ZNF518B: variants seen among roughly 807,000 people sequenced by gnomAD.
ZNF518B encodes zinc finger protein 518B.
A neutral mutation model predicts 56.3 loss-of-function variants in ZNF518B; 23 were observed. The ratio of observed to expected loss-of-function variants is 0.41; its 90% CI spans 0.29 to 0.58. The LOEUF (loss-of-function observed/expected upper bound fraction) is 0.58. Ranked by LOEUF, ZNF518B falls within the 20% of genes least tolerant of loss-of-function variation. The pLI is 0.32. For missense variants in ZNF518B, 1,460 were observed against 1,272.1 expected (o/e 1.15, Z -2.25); for synonymous variants, 529 against 465.9 (o/e 1.14, Z -1.74).
chr4:10,461,069 G>C (rs559549059), upstream of ZNF518B, among the ~76,000 whole-genome samples: 12 of 152,374 alleles, frequency 7.9e-5, no homozygotes, highest in East Asian at 1.9e-3. Context: ...TCACAGTCCT[G>C]GGGTGCAGGA....
At chr4:10,451,834 C>T (rs1209687877) in intron 2 of ZNF518B, 1 of 152,174 alleles carries the variant, frequency 6.6e-6, no homozygotes. Context: ...AAACTAGTTA[C>T]GAAACTACCT....
Position 10,441,580 on chromosome 4 carries a change from G to A in ZNF518B, c.*1524C>T, listed in dbSNP as rs1180448672. The A allele has an allele frequency of 6.6e-6, 1 of 152,658 alleles. No individual in the cohort carries two copies. The highest frequency in any genetic ancestry group is 2.4e-5 in the African/African-American group (1 of 41,458). 9.5% of individuals were successfully genotyped at this position (152,658 alleles called of 1,614,324 possible). The stretch of plus-strand genomic sequence containing the variant: ...AGACAGGAATAGCCCCTGGAGGGAG[G>A]GAAATGCAAGTTGGGGCTGCCTCGG... On this transcript the variant is annotated 3_prime_UTR_variant, in exon 3 of 3. Transcript: ENST00000326756.
In ZNF518B at chr4:10,444,224, GCTTTTGAAGTTCC is replaced by G; in HGVS notation, c.2092_2104del (p.Gly698LeufsTer70). 4 of 1,614,244 alleles carry G rather than the reference GCTTTTGAAGTTCC, an allele frequency of 2.5e-6. No individual in the cohort carries two copies. Among genetic ancestry groups the G allele is most frequent in the Non-Finnish European group, 3.4e-6 (4 of 1,180,052 alleles). ...GATTTCTTGAATACCTTCAGAGGTA[GCTTTTGAAGTTCC>G]CTTTGATGCCTGCCCTACAGAGCGA... On this transcript the variant is annotated frameshift_variant, in exon 3 of 3. Coordinates refer to ENST00000326756, the MANE Select transcript of ZNF518B (RefSeq NM_053042.3). LOFTEE classifies it high-confidence loss of function.
intron 2 of ZNF518B, chr4:10,451,826 A>C (rs1201026473): frequency 1.3e-5 from 2 of 152,228 alleles, no homozygotes; most frequent in Non-Finnish European, 2.9e-5. Context: ...TTATATATAA[A>C]CTAGTTACGA....
In ZNF518B at chr4:10,445,259, T is replaced by C. The variant is rs1714939082; in HGVS notation, c.1070A>G (p.Gln357Arg). 6.2e-7 allele frequency: 1 copy of C among 1,614,136 alleles called. No homozygotes were observed. Among genetic ancestry groups the C allele is most frequent in the Non-Finnish European group, 8.5e-7 (1 of 1,179,950 alleles). Residue 357 changes from glutamine to arginine, a missense_variant, in exon 3 of 3, where the codon CAG becomes CGG. Physicochemically the swap from Gln to Arg is conservative, Grantham distance 43 (BLOSUM62 1). Transcript: ENST00000326756. ...LIDVKVVNGT[Q>R]QLVLKLFPLE... ...CGGAAACAGTTTCAGAACAAGCTGC[T>C]GTGTACCATTGACAACCTTCACATC...
Position 10,446,507 on chromosome 4 carries a change from A to T in ZNF518B, c.-179T>A. ...AGTAGGTGCATGATCCCAAAATATG[A>T]CTGCTTTCAGCTCTCTGACATTCCA... On this transcript the variant is annotated 5_prime_UTR_variant, in exon 3 of 3. Coordinates refer to ENST00000326756, the MANE Select transcript of ZNF518B (RefSeq NM_053042.3). The T allele has an allele frequency of 8.8e-6, 5 of 565,142 alleles. No homozygotes were observed. Among genetic ancestry groups the T allele is most frequent in the Non-Finnish European group, 9.5e-6 (3 of 317,158 alleles). The allele number at this position is 565,142 out of a possible 1,614,324, so 35.0% of individuals were successfully genotyped here. A position where few individuals can be genotyped will look rare whatever the true frequency, so the allele number is the denominator to read the frequency against.
chr4:10,445,155 T>A lies in ZNF518B; in HGVS notation c.1174A>T (p.Asn392Tyr), dbSNP rs761476479. The change falls in exon 3 of 3, where the codon AAT (asparagine) becomes TAT (tyrosine). Residue 392 changes from asparagine to tyrosine, a missense_variant. Coordinates refer to ENST00000326756, the MANE Select transcript of ZNF518B (RefSeq NM_053042.3). ...GCAGAAAGTACTTTTTCTTGTTCAT[T>A]TGAACCCTTCTCTTTCACCATACGT... ...SERMVKEKGS[N>Y]EQEKVLSAEK... The A allele has an allele frequency of 1.2e-6, 2 of 1,614,236 alleles. No homozygotes were observed. Among genetic ancestry groups the A allele is most frequent in the Non-Finnish European group, 1.7e-6 (2 of 1,180,030 alleles).
chr4:10,447,450 G>C (rs912696428), intron 2 of ZNF518B, among the ~76,000 whole-genome samples: 4 of 152,004 alleles, frequency 2.6e-5, no homozygotes, highest in African/African-American at 9.7e-5. Flanking sequence ...TGTGGGAAGT[G>C]GGCCTGCTGC....
At chr4:10,457,159 C>G (rs1715576096) in intron 1 of ZNF518B, 158 bp downstream of exon 1, 1 of 148,850 alleles carries the variant, frequency 6.7e-6, no homozygotes, top group Admixed American at 6.7e-5. Context: ...ACGACGCCAG[C>G]CCTCAGCGCG....
intron 1 of ZNF518B, among the ~76,000 whole-genome samples, chr4:10,456,200 T>C (rs942288060): frequency 9.8e-5 from 15 of 152,330 alleles, no homozygotes; most frequent in Admixed American, 5.9e-4. Context: ...TAGTTTTTTT[T>C]TTTAATGTTA....
At chr4:10,449,189 C>G in intron 2 of ZNF518B, among the ~76,000 whole-genome samples, 1 of 152,180 alleles carries the variant, frequency 6.6e-6, no homozygotes, top group East Asian at 1.9e-4. Context: ...TCTGGTCCAG[C>G]GTTCTCAACT....
Position 10,446,145 on chromosome 4 carries a change from T to A in ZNF518B, c.184A>T (p.Lys62Ter). 6.2e-7 allele frequency: 1 copy of A among 1,614,226 alleles called. No individual in the cohort carries two copies. Among genetic ancestry groups the A allele is most frequent in the Non-Finnish European group, 8.5e-7 (1 of 1,180,028 alleles). Residue 62 changes from lysine (K) to a stop codon, truncating the protein, a stop_gained, in exon 3 of 3, where the codon AAG (lysine) becomes TAG (stop). Transcript: ENST00000326756. LOFTEE classifies it low-confidence loss of function (END_TRUNC). The part of the protein sequence containing the change: ...AAMMTIATCA[K>*]CKSVHKISLQ... ...GAGATCTTGTGAACACTTTTGCACT[T>A]TGCACATGTAGCAATGGTCATCATG...
In ZNF518B at chr4:10,445,072, A is replaced by G. The variant is rs779827595; in HGVS notation, c.1257T>C (p.Asp419=). ...GTTTCTGAACTGAAGGTTGAAAACTATCAATGCCTACGAGTTTTCCAACAT... is the reference window on the plus strand; with the variant it reads ...GTTTCTGAACTGAAGGTTGAAAACTGTCAATGCCTACGAGTTTTCCAACAT... ...DGNVGKLVGI[D]SFQPSVQKQL... The change falls in exon 3 of 3, where the codon GAT becomes GAC. Residue 419 remains aspartate, a synonymous_variant. Coordinates refer to ENST00000326756, the MANE Select transcript of ZNF518B (RefSeq NM_053042.3). 7 of 1,614,228 alleles carry G rather than the reference A, an allele frequency of 4.3e-6. No homozygotes were observed. The highest frequency in any genetic ancestry group is 5.9e-6 in the Non-Finnish European group (7 of 1,180,038).
At position 10,446,259 on chromosome 4, in the gene ZNF518B, G is replaced by A; in HGVS notation, c.70C>T (p.Pro24Ser). ...GCTCCATTAGCATCAGGCTGTTTGGGTGACATGGTCAAGGAATTATGTCCG... is the reference window on the plus strand; with the variant it reads ...GCTCCATTAGCATCAGGCTGTTTGGATGACATGGTCAAGGAATTATGTCCG... ...NGGHNSLTMS[P>S]KQPDANGAPR... The change falls in exon 3 of 3, where the codon CCC (proline) becomes TCC (serine). Residue 24 changes from proline to serine, a missense_variant. Transcript: ENST00000326756. 6.2e-7 allele frequency: 1 copy of A among 1,614,222 alleles called. No individual in the cohort carries two copies. The highest frequency in any genetic ancestry group is 2.2e-5 in the East Asian group (1 of 44,880).
Position 10,443,107 on chromosome 4 carries a change from T to G in ZNF518B, c.3222A>C (p.Lys1074Asn), listed in dbSNP as rs1714755499. 1 of 1,609,364 alleles carries G rather than the reference T, an allele frequency of 6.2e-7. No individual in the cohort carries two copies. Residue 1074 changes from lysine to asparagine, a missense_variant, in exon 3 of 3, where the codon AAA becomes AAC. Physicochemically the swap from Lys to Asn is moderately conservative, Grantham distance 94. Transcript: ENST00000326756. ...GCTTTAAAGAGTAACTGTTTACTTATTTGCCCTTGGAGGAAAGAACATCCC... is the reference window on the plus strand; with the variant it reads ...GCTTTAAAGAGTAACTGTTTACTTAGTTGCCCTTGGAGGAAAGAACATCCC... Reference protein sequence around the residue: ...RDWDVLSSKGK With the variant: ...RDWDVLSSKGN
Position 10,443,327 on chromosome 4 carries a change from C to G in ZNF518B, c.3002G>C (p.Ser1001Thr). Residue 1001 changes from serine (S) to threonine (T), a missense_variant, in exon 3 of 3, where the codon AGT becomes ACT. Ser to Thr is a moderately conservative substitution (Grantham distance 58). Transcript: ENST00000326756. The part of the protein sequence containing the change: ...RLTYQNAEEA[S>T]QIKRQMMLKM... ...CAACATCATTTGCCTTTTAATTTGA[C>G]TGGCTTCTTCCGCATTCTGGTAGGT... is the stretch of plus-strand genomic sequence containing the variant. 6.2e-7 allele frequency: 1 copy of G among 1,614,218 alleles called. No homozygotes were observed. The highest frequency in any genetic ancestry group is 8.5e-7 in the Non-Finnish European group (1 of 1,180,014).
rs1430952819 is a variant in ZNF518B at position 10,445,069 on chromosome 4, A to T, written c.1260T>A (p.Ser420Arg). ...GCTGTTTCTGAACTGAAGGTTGAAA[A>T]CTATCAATGCCTACGAGTTTTCCAA... ...GNVGKLVGID[S>R]FQPSVQKQLK... Residue 420 changes from serine to arginine, a missense_variant, in exon 3 of 3, where the codon AGT (serine) becomes AGA (arginine). Physicochemically the swap from Ser to Arg is moderately radical, Grantham distance 110. Transcript: ENST00000326756. 3 of 1,614,174 alleles carry T rather than the reference A, an allele frequency of 1.9e-6. No homozygotes were observed. The highest frequency in any genetic ancestry group is 2.5e-6 in the Non-Finnish European group (3 of 1,180,028).
At chr4:10,450,630 GTGAAGC>G (rs1463043151) in intron 2 of ZNF518B, among the ~76,000 whole-genome samples, 1 of 152,182 alleles carries the variant, frequency 6.6e-6, no homozygotes, top group Admixed American at 6.5e-5. Flanking sequence ...ATACACACCT[GTGAAGC>G]TGAGTCCTCT....
chr4:10,461,167 C>T (rs77017317), upstream of ZNF518B, among the ~76,000 whole-genome samples: 2,328 of 152,362 alleles, frequency 0.015, 59 homozygotes, highest in African/African-American at 0.053. Flanking sequence ...GTCTCTGAGA[C>T]GTTTTCTCAA....
Sources: allele counts gnomAD v4.1 joint callset (sites outside exome capture counted in the v4.1 genomes callset), GRCh38; gene constraint gnomAD v4.1.1; transcripts MANE v1.5; gene names NCBI Gene and HGNC (gene_info 2026-07-23, HGNC 2026-07-21).